C1QTNF1: variants seen among roughly 807,000 people sequenced by gnomAD.
C1QTNF1 encodes complement C1q tumor necrosis factor-related protein 1.
A neutral mutation model predicts 27.8 loss-of-function variants in C1QTNF1; 22 were observed. The ratio of observed to expected loss-of-function variants is 0.79; its 90% CI spans 0.56 to 1.13. The LOEUF (loss-of-function observed/expected upper bound fraction) is 1.13. C1QTNF1 is among the 50% of genes most tolerant of loss of function. The pLI is 0.00. For missense variants in C1QTNF1, 373 were observed against 380.2 expected (o/e 0.98, Z 0.16); for synonymous variants, 166 against 154.3 (o/e 1.08, Z -0.56).
At chr17:79,039,636 GA>G (rs1771398889) in intron 1 of C1QTNF1, among the ~76,000 whole-genome samples, 1 of 151,762 alleles carries the variant, frequency 6.6e-6, no homozygotes, top group South Asian at 2.1e-4. Flanking sequence ...CTGGGTGACA[GA>G]GCGAGACTCT....
intron 1 of C1QTNF1, among the ~76,000 whole-genome samples, chr17:79,028,904 G>A (rs1479423135): frequency 1.3e-5 from 2 of 152,044 alleles, no homozygotes; most frequent in African/African-American, 4.8e-5. Flanking sequence ...GTGTGTGTGT[G>A]TGTGTGTGCA....
chr17:79,036,224 G>GGGCGCAGTGGTGCAGTCGT, intron 1 of C1QTNF1, among the ~76,000 whole-genome samples: 2 of 152,310 alleles, frequency 1.3e-5, no homozygotes, highest in Middle Eastern at 3.4e-3. Context: ...GCCCAGGCTA[G>GGGCGCAGTGGTGCAGTCGT]GGCGCAGTGG....
intron 1 of C1QTNF1, among the ~76,000 whole-genome samples, chr17:79,040,173 T>C (rs1000310947): frequency 6.6e-6 from 1 of 151,844 alleles, no homozygotes; most frequent in Admixed American, 6.6e-5. Flanking sequence ...TAGGAGACAA[T>C]AGGAAAAATA....
intron 1 of C1QTNF1, among the ~76,000 whole-genome samples, chr17:79,039,797 G>GTATA (rs397856558): frequency 6.7e-6 from 1 of 149,172 alleles, no homozygotes; most frequent in African/African-American, 2.5e-5. Context: ...GTGTGTGTGT[G>GTATA]TATATATATA....
At chr17:79,033,057 A>G (rs1374229970) in intron 1 of C1QTNF1, among the ~76,000 whole-genome samples, 1 of 147,504 alleles carries the variant, frequency 6.8e-6, no homozygotes, top group Non-Finnish European at 1.5e-5. Flanking sequence ...GACAAGAGCA[A>G]AACTCTGTCT....
intron 1 of C1QTNF1, among the ~76,000 whole-genome samples, chr17:79,038,972 A>G (rs1473092952): frequency 1.3e-5 from 2 of 152,200 alleles, no homozygotes; most frequent in African/African-American, 4.8e-5. Context: ...GAGAGCCACC[A>G]CCGCCAAAGT....
rs2072658622 is a variant in C1QTNF1, at chr17:79,048,316, G to A, written c.*228G>A. 1 of 531,590 alleles carries A rather than the reference G, an allele frequency of 1.9e-6. No individual in the cohort carries two copies. Among genetic ancestry groups the A allele is most frequent in the Admixed American group, 3.7e-5 (1 of 27,340 alleles). The allele number at this position is 531,590 out of a possible 1,614,324, so 32.9% of individuals were successfully genotyped here. On this transcript the variant is annotated 3_prime_UTR_variant, in exon 4 of 4. Transcript: ENST00000579760. The stretch of plus-strand genomic sequence containing the variant: ...CGGGGCACCCGCGAGAACCCTCTGG[G>A]ACCTTCCGCGGCCCTCTCTGCACAC...
intron 1 of C1QTNF1, among the ~76,000 whole-genome samples, chr17:79,038,472 T>C (rs1466504226): frequency 6.6e-6 from 1 of 152,198 alleles, no homozygotes; most frequent in Non-Finnish European, 1.5e-5. Flanking sequence ...GAAGAGCGGC[T>C]AGTCCTCAGG....
chr17:79,028,185 G>C (rs1599278078), intron 1 of C1QTNF1, among the ~76,000 whole-genome samples: 1 of 152,332 alleles, frequency 6.6e-6, no homozygotes, highest in East Asian at 1.9e-4. Context: ...AGGCAGGCGG[G>C]GCATGGGGAA....
chr17:79,043,114 CATGT>C (rs1219330341), intron 1 of C1QTNF1, among the ~76,000 whole-genome samples: 2 of 143,592 alleles, frequency 1.4e-5, no homozygotes, highest in African/African-American at 5.3e-5. Context: ...GCATGGATTG[CATGT>C]ATGTGAATGT....
At chr17:79,034,217 C>T (rs1403093742) in intron 1 of C1QTNF1, 2 of 152,514 alleles carry the variant, frequency 1.3e-5, no homozygotes, top group African/African-American at 2.4e-5. Context: ...GAGGGCGTCC[C>T]CGCTGCTGGT....
Position 79,047,940 on chromosome 17 carries a change from G to A in C1QTNF1, c.698G>A (p.Ser233Asn), listed in dbSNP as rs1488657415. 12 of 1,613,944 alleles carry A rather than the reference G, an allele frequency of 7.4e-6. No homozygotes were observed. The highest frequency in any genetic ancestry group is 1.0e-5 in the Non-Finnish European group (12 of 1,180,026). Residue 233 changes from serine to asparagine, a missense_variant, in exon 4 of 4, where the codon AGC becomes AAC. By Grantham distance (46) the Ser-to-Asn change is conservative. Transcript: ENST00000579760. ...GTGGGCGACCGCAGCATCATGCAAA[G>A]CCAGAGCCTGATGCTGGAGCTGCGA... The part of the protein sequence containing the change: ...AQVGDRSIMQ[S>N]QSLMLELREQ...
intron 1 of C1QTNF1, among the ~76,000 whole-genome samples, chr17:79,031,434 G>A (rs561562217): frequency 6.6e-5 from 10 of 151,934 alleles, no homozygotes; most frequent in African/African-American, 2.2e-4. Context: ...CATATGGATG[G>A]ATGCACTGTA....
At chr17:79,037,015 C>T (rs1375053900) in intron 1 of C1QTNF1, among the ~76,000 whole-genome samples, 1 of 152,220 alleles carries the variant, frequency 6.6e-6, no homozygotes, top group Non-Finnish European at 1.5e-5. Context: ...CACATAGTCC[C>T]AGAGCTTCAG....
At chr17:79,035,143 G>A (rs1443140197) in intron 1 of C1QTNF1, among the ~76,000 whole-genome samples, 1 of 152,180 alleles carries the variant, frequency 6.6e-6, no homozygotes, top group Non-Finnish European at 1.5e-5. Context: ...AAAGGGCTAT[G>A]AGCAGATGTC....
At chr17:79,045,853 T>C (rs1339219508) in intron 2 of C1QTNF1, among the ~76,000 whole-genome samples, 1 of 152,106 alleles carries the variant, frequency 6.6e-6, no homozygotes, top group Non-Finnish European at 1.5e-5. Flanking sequence ...CCTGGGCTTA[T>C]GGGTAGCTGA....
intron 1 of C1QTNF1, among the ~76,000 whole-genome samples, chr17:79,028,201 G>C (rs2072026078): frequency 6.6e-6 from 1 of 152,204 alleles, no homozygotes; most frequent in South Asian, 2.1e-4. Flanking sequence ...GGGAAGTCAA[G>C]TTCTTGGTGC....
chr17:79,039,533 ATC>A (rs1033384537), intron 1 of C1QTNF1, among the ~76,000 whole-genome samples: 1 of 152,180 alleles, frequency 6.6e-6, no homozygotes, highest in Non-Finnish European at 1.5e-5. Context: ...CACGCATATA[ATC>A]TCAGTTACTA....
At chr17:79,028,529 G>C (rs1279289085) in intron 1 of C1QTNF1, among the ~76,000 whole-genome samples, 1 of 152,252 alleles carries the variant, frequency 6.6e-6, no homozygotes, top group East Asian at 1.9e-4. Context: ...TAAAGTGAGA[G>C]ATGGAAGGAT....
Sources: allele counts gnomAD v4.1 joint callset (sites outside exome capture counted in the v4.1 genomes callset), GRCh38; gene constraint gnomAD v4.1.1; transcripts MANE v1.5; gene names NCBI Gene and HGNC (gene_info 2026-07-23, HGNC 2026-07-21).